Variants in KCNQ5 observed in about 807,000 individuals in gnomAD.
KCNQ5 encodes the protein potassium voltage-gated channel subfamily Q member 5.
In KCNQ5, 30 loss-of-function variants were observed where a neutral mutation model predicts 98.2. That is an observed-to-expected ratio of 0.31 (90% CI 0.23 to 0.41). The LOEUF is 0.41. Ranked by LOEUF, KCNQ5 falls within the 10% of genes least tolerant of loss-of-function variation. KCNQ5 has a pLI of 1.00. For missense variants in KCNQ5, 835 were observed against 1,182.5 expected, an observed-to-expected ratio of 0.71 and a Z score of 4.31; for synonymous variants, 458 against 449.4, an observed-to-expected ratio of 1.02 and a Z score of -0.24.
Position 73,096,969 on chromosome 6 carries a change from C to T in KCNQ5, c.919-8288C>T, listed in dbSNP as rs776183589. Reference sequence around the variant, plus strand: ...GAAACAGGAGAATCACTTGAACCTGCGAGGCAGTTTGCGGTAAGCTGAGAC... The same window carrying T: ...GAAACAGGAGAATCACTTGAACCTGTGAGGCAGTTTGCGGTAAGCTGAGAC... On this transcript the variant is annotated intron_variant, in intron 5 of 13. Transcript: ENST00000370398. Among the ~76,000 whole-genome samples, 5 of 151,754 alleles carry T rather than the reference C, an allele frequency of 3.3e-5. No individual in the cohort carries two copies. In the East Asian group the frequency reaches 7.8e-4, roughly 24 times the overall value.
chr6:73,041,839 A>G, intron 2 of KCNQ5, 97 bp from the exon 3 acceptor site: 4 of 1,352,322 alleles, frequency 3.0e-6, no homozygotes, highest in Non-Finnish European at 3.1e-6. Flanking sequence ...TAGATCCTTT[A>G]GACAAAGTGC....
chr6:72,862,210 T>A (rs1777793450), intron 1 of KCNQ5, among the ~76,000 whole-genome samples: 1 of 152,186 alleles, frequency 6.6e-6, no homozygotes, highest in Non-Finnish European at 1.5e-5. Context: ...CTGGGCTAAC[T>A]GGGGAGGGTC....
At chr6:72,918,224 C>CAGT (rs2150213673) in intron 1 of KCNQ5, among the ~76,000 whole-genome samples, 1 of 152,172 alleles carries the variant, frequency 6.6e-6, no homozygotes, top group South Asian at 2.1e-4. Flanking sequence ...TCCTGCTGCA[C>CAGT]AGTAGCATAT....
intron 1 of KCNQ5, among the ~76,000 whole-genome samples, chr6:72,903,665 C>A (rs888494364): frequency 6.6e-6 from 1 of 152,072 alleles, no homozygotes; most frequent in African/African-American, 2.4e-5. Flanking sequence ...GAGTTGACTT[C>A]CAGTTTTATT....
chr6:73,139,394 GT>G (rs1171066057), intron 10 of KCNQ5, among the ~76,000 whole-genome samples: 2 of 152,166 alleles, frequency 1.3e-5, no homozygotes, highest in Non-Finnish European at 2.9e-5. Context: ...AAGGATTTAG[GT>G]TTGGGGATTG....
chr6:73,170,365 G>C (rs1217635562), intron 11 of KCNQ5, among the ~76,000 whole-genome samples: 1 of 151,718 alleles, frequency 6.6e-6, no homozygotes, highest in Non-Finnish European at 1.5e-5. Flanking sequence ...TGATGGCAGA[G>C]AGCTAAGAGA....
intron 9 of KCNQ5, among the ~76,000 whole-genome samples, chr6:73,131,850 C>A (rs1315080462): frequency 2.6e-5 from 4 of 152,204 alleles, no homozygotes; most frequent in Non-Finnish European, 4.4e-5. Context: ...GACCTCATCA[C>A]CAAACTGCCC....
chr6:72,668,283 A>G (rs1375352051), intron 1 of KCNQ5, among the ~76,000 whole-genome samples: 1 of 152,236 alleles, frequency 6.6e-6, no homozygotes, highest in Non-Finnish European at 1.5e-5. Flanking sequence ...ATTCAACTGC[A>G]TTGACTAAAC....
chr6:73,116,279 G>A (rs1775487750), intron 7 of KCNQ5, among the ~76,000 whole-genome samples: 1 of 152,056 alleles, frequency 6.6e-6, no homozygotes, highest in African/African-American at 2.4e-5. Flanking sequence ...CATGTAAGTG[G>A]GCAATATCAT....
At chr6:72,913,716 A>G (rs1780029936) in intron 1 of KCNQ5, among the ~76,000 whole-genome samples, 1 of 152,194 alleles carries the variant, frequency 6.6e-6, no homozygotes, top group South Asian at 2.1e-4. Context: ...TTCCCATCTT[A>G]GAGTCACGGC....
At chr6:73,013,470 G>C (rs1014014849) in intron 2 of KCNQ5, among the ~76,000 whole-genome samples, 10 of 152,098 alleles carry the variant, frequency 6.6e-5, no homozygotes, top group African/African-American at 2.4e-4. Context: ...ACAGTTAAAA[G>C]CTGGTGTTAA....
At chr6:72,879,221 G>T (rs1778540074) in intron 1 of KCNQ5, among the ~76,000 whole-genome samples, 1 of 151,856 alleles carries the variant, frequency 6.6e-6, no homozygotes, top group African/African-American at 2.4e-5. Context: ...CTGACAATTT[G>T]CACTCCCTCC....
Position 73,077,900 on chromosome 6 carries a change from A to C in KCNQ5, c.918+13A>C. ...CTGGTGGGGCACAGTAAGTATAAAA[A>C]TACATTTTTTATTTATTGGATGTTG... On this transcript the variant is annotated intron_variant, in intron 5 of 13. Coordinates refer to ENST00000370398, the MANE Select transcript of KCNQ5 (RefSeq NM_019842.4). 1 of 1,574,760 alleles carries C rather than the reference A, an allele frequency of 6.4e-7. No homozygotes were observed. The highest frequency in any genetic ancestry group is 2.2e-5 in the East Asian group (1 of 44,528).
intron 1 of KCNQ5, among the ~76,000 whole-genome samples, chr6:72,672,104 C>T (rs1767147943): frequency 6.6e-6 from 1 of 151,268 alleles, no homozygotes; most frequent in Non-Finnish European, 1.5e-5. Context: ...GCATGAGCCA[C>T]GACGCCTGGC....
chr6:73,089,346 G>T (rs1282007461), intron 5 of KCNQ5, among the ~76,000 whole-genome samples: 1 of 152,042 alleles, frequency 6.6e-6, no homozygotes, highest in African/African-American at 2.4e-5. Flanking sequence ...TGTTGTTGTT[G>T]ATTTTCGTGG....
chr6:72,776,869 T>C (rs1204709368), intron 1 of KCNQ5, among the ~76,000 whole-genome samples: 1 of 152,096 alleles, frequency 6.6e-6, no homozygotes, highest in Non-Finnish European at 1.5e-5. Flanking sequence ...CCAGCAGACA[T>C]GAGGCCAGGG....
At chr6:72,820,359 A>G (rs1306590820) in intron 1 of KCNQ5, among the ~76,000 whole-genome samples, 1 of 152,192 alleles carries the variant, frequency 6.6e-6, no homozygotes, top group African/African-American at 2.4e-5. Context: ...AGTCAGGATG[A>G]CGAAGTGTGT....
chr6:73,055,859 G>A (rs893363545), intron 3 of KCNQ5: 1 of 668,720 alleles, frequency 1.5e-6, no homozygotes, highest in Non-Finnish European at 2.8e-6. Context: ...AAGAAGTGAA[G>A]GCCAGCAAAC....
chr6:72,754,476 C>T (rs147816297), intron 1 of KCNQ5, among the ~76,000 whole-genome samples: 671 of 152,104 alleles, frequency 4.4e-3, no homozygotes, highest in African/African-American at 0.015. Context: ...GCTCCCCAAA[C>T]GACATTGGGA....
Sources: gnomAD v4.1 joint callset for allele counts (sites outside exome capture counted in the v4.1 genomes callset) on GRCh38, gnomAD v4.1.1 for gene constraint, MANE v1.5 for transcripts, NCBI Gene and HGNC (gene_info 2026-07-23, HGNC 2026-07-21) for gene names.